Variants in KCNMB2 observed in about 807,000 individuals in gnomAD.
KCNMB2 encodes the protein calcium-activated potassium channel subunit beta-2.
In KCNMB2, 9 loss-of-function variants were observed where a neutral mutation model predicts 24.5. The ratio of observed to expected loss-of-function variants is 0.37; its 90% CI spans 0.22 to 0.64. The LOEUF (loss-of-function observed/expected upper bound fraction) is 0.64. KCNMB2 is among the 30% of genes least tolerant of loss of function. The pLI, the probability that KCNMB2 is intolerant of heterozygous loss-of-function variation, is 0.63. For missense variants in KCNMB2, 226 were observed against 284.3 expected, an observed-to-expected ratio of 0.79 and a Z score of 1.47; for synonymous variants, 109 against 104.4, an observed-to-expected ratio of 1.04 and a Z score of -0.27.
intron 1 of KCNMB2, among the ~76,000 whole-genome samples, chr3:178,767,472 T>A (rs77695166): frequency 9.5e-4 from 145 of 152,348 alleles, no homozygotes; most frequent in Non-Finnish European, 1.6e-3. Context: ...ATTTCAACTT[T>A]ATGATATTAC....
chr3:178,619,098 G>T (rs562091000), intron 1 of KCNMB2, among the ~76,000 whole-genome samples: 30 of 152,262 alleles, frequency 2.0e-4, no homozygotes, highest in Admixed American at 1.4e-3. Context: ...CTGAGCAGCT[G>T]CCATGTATCA....
intron 1 of KCNMB2, among the ~76,000 whole-genome samples, chr3:178,634,893 G>C (rs1240158660): frequency 6.6e-6 from 1 of 152,158 alleles, no homozygotes; most frequent in Non-Finnish European, 1.5e-5. Flanking sequence ...GAAGGTCTTG[G>C]TCATGCCAGG....
At chr3:178,727,764 C>T (rs191966416) in intron 1 of KCNMB2, among the ~76,000 whole-genome samples, 155 of 152,292 alleles carry the variant, frequency 1.0e-3, no homozygotes, top group African/African-American at 3.6e-3. Context: ...ATTTTAGCCC[C>T]ATGAGACTTG....
chr3:178,625,213 C>A (rs1200558760), intron 1 of KCNMB2, among the ~76,000 whole-genome samples: 1 of 152,090 alleles, frequency 6.6e-6, no homozygotes, highest in African/African-American at 2.4e-5. Flanking sequence ...GCCCTGCCAC[C>A]CAAGCCAGTG....
intron 1 of KCNMB2, among the ~76,000 whole-genome samples, chr3:178,705,161 GC>G (rs1240071952): frequency 6.6e-6 from 1 of 152,038 alleles, no homozygotes; most frequent in African/African-American, 2.4e-5. Flanking sequence ...CTGGGAACCT[GC>G]CCACCCACTA....
chr3:178,662,290 A>G (rs567633916), intron 1 of KCNMB2, among the ~76,000 whole-genome samples: 11 of 152,330 alleles, frequency 7.2e-5, no homozygotes, highest in African/African-American at 2.6e-4. Flanking sequence ...ATCCAACATC[A>G]AAAACTATTC....
intron 1 of KCNMB2, among the ~76,000 whole-genome samples, chr3:178,671,455 A>G (rs1157752121): frequency 2.0e-5 from 3 of 152,142 alleles, no homozygotes; most frequent in Admixed American, 2.0e-4. Flanking sequence ...CTGCCCACAC[A>G]TGACAGGTGC....
chr3:178,835,872 G>GT (rs1473965345), intron 4 of KCNMB2, among the ~76,000 whole-genome samples: 1 of 151,688 alleles, frequency 6.6e-6, no homozygotes, highest in Non-Finnish European at 1.5e-5. Context: ...ACCCATCTGT[G>GT]TTTTTTTCTG....
At chr3:178,765,634 C>CGTGTGT (rs1560012552) in intron 1 of KCNMB2, among the ~76,000 whole-genome samples, 2 of 74,578 alleles carry the variant, frequency 2.7e-5, no homozygotes, top group African/African-American at 1.0e-4. Context: ...TGTGTGCACG[C>CGTGTGT]GCGTGTGCAT....
intron 1 of KCNMB2, among the ~76,000 whole-genome samples, chr3:178,792,216 T>C (rs750267965): frequency 1.2e-4 from 18 of 152,136 alleles, no homozygotes; most frequent in African/African-American, 4.1e-4. Flanking sequence ...AAGGAATAAA[T>C]AGAAATGACT....
chr3:178,781,101 A>G (rs147877039), intron 1 of KCNMB2, among the ~76,000 whole-genome samples: 5 of 152,246 alleles, frequency 3.3e-5, no homozygotes, highest in African/African-American at 1.2e-4. Flanking sequence ...TGAAATTGTA[A>G]TATTTTGGGC....
chr3:178,760,102 A>G (rs1231692110), intron 1 of KCNMB2, among the ~76,000 whole-genome samples: 1 of 45,152 alleles, frequency 2.2e-5, no homozygotes, highest in Non-Finnish European at 3.8e-5. Flanking sequence ...CTATATATAT[A>G]TATATATCCA....
rs1715499437 is a variant in KCNMB2, at chr3:178,843,384, C to T, written c.*447C>T. On this transcript the variant is annotated 3_prime_UTR_variant, in exon 5 of 5. Coordinates refer to ENST00000452583, the MANE Select transcript of KCNMB2 (RefSeq NM_181361.3). Reference sequence around the variant, plus strand: ...TCTTATTCTAAACTGAGCCCTATAGCAAGTGAAGGGACCAGATTTCCTAAT... The same window carrying T: ...TCTTATTCTAAACTGAGCCCTATAGTAAGTGAAGGGACCAGATTTCCTAAT... 7.9e-6 allele frequency: 2 copies of T among 251,880 alleles called. No homozygotes were observed. Among genetic ancestry groups the T allele is most frequent in the Admixed American group, 5.2e-5 (1 of 19,360 alleles). The allele number at this position is 251,880 out of a possible 1,614,324, so 15.6% of individuals were successfully genotyped here. A position where few individuals can be genotyped will look rare whatever the true frequency, so the allele number is the denominator to read the frequency against.
rs77474632 is a variant in KCNMB2 at position 178,622,625 on chromosome 3, C to T, written c.-68+85914C>T. Among the ~76,000 whole-genome samples the T allele has an allele frequency of 5.9e-3, 900 of 152,282 alleles. 11 individuals are homozygous for T. Among genetic ancestry groups the T allele is most frequent in the African/African-American group, 0.021 (856 of 41,554 alleles). On this transcript the variant is annotated intron_variant, in intron 1 of 4. Coordinates refer to ENST00000452583, the MANE Select transcript of KCNMB2 (RefSeq NM_181361.3). Reference sequence around the variant, plus strand: ...TTGAACCAATCACCATTCACAGTGCCCTCTTGAGTTGCCCCAGTTCTGAAC... The same window carrying T: ...TTGAACCAATCACCATTCACAGTGCTCTCTTGAGTTGCCCCAGTTCTGAAC...
intron 1 of KCNMB2, among the ~76,000 whole-genome samples, chr3:178,679,022 G>GTT (rs374461400): frequency 3.4e-5 from 5 of 146,492 alleles, no homozygotes; most frequent in African/African-American, 1.0e-4. Context: ...TCATTTATCA[G>GTT]TTTTTTTTTG....
At chr3:178,600,698 G>T (rs1442951963) in intron 1 of KCNMB2, among the ~76,000 whole-genome samples, 1 of 152,172 alleles carries the variant, frequency 6.6e-6, no homozygotes, top group Non-Finnish European at 1.5e-5. Context: ...CTCTCAGAGA[G>T]GTTAATGAGG....
At chr3:178,628,125 G>T (rs530736804) in intron 1 of KCNMB2, among the ~76,000 whole-genome samples, 1 of 152,220 alleles carries the variant, frequency 6.6e-6, no homozygotes, top group African/African-American at 2.4e-5. Context: ...ATTATTATTA[G>T]AATTATCTTA....
chr3:178,539,155 A>G (rs1715505570), intron 1 of KCNMB2, among the ~76,000 whole-genome samples: 1 of 152,204 alleles, frequency 6.6e-6, no homozygotes, highest in South Asian at 2.1e-4. Flanking sequence ...ATTGGAAGAT[A>G]TTGGACCAGA....
chr3:178,609,957 G>A (rs1243421379), intron 1 of KCNMB2, among the ~76,000 whole-genome samples: 1 of 152,040 alleles, frequency 6.6e-6, no homozygotes. Flanking sequence ...TTTTCTGTAT[G>A]GTAAGAGACA....
Sources: allele counts gnomAD v4.1 joint callset (sites outside exome capture counted in the v4.1 genomes callset), GRCh38; gene constraint gnomAD v4.1.1; transcripts MANE v1.5; gene names NCBI Gene and HGNC (gene_info 2026-07-23, HGNC 2026-07-21).